Variants in RARB observed in about 807,000 individuals in gnomAD.
RARB encodes the protein retinoic acid receptor beta, also known as HBV-activated protein.
In RARB, 17 loss-of-function variants were observed where a neutral mutation model predicts 51.9. That is an observed-to-expected ratio of 0.33 (90% CI 0.22 to 0.49). RARB has a LOEUF of 0.49. Ranked by LOEUF, RARB falls within the 20% of genes least tolerant of loss-of-function variation. RARB has a pLI of 0.99. For synonymous variants in RARB, 215 were observed against 195.4 expected (o/e 1.10, Z -0.84); for missense variants, 369 against 550.8 (o/e 0.67, Z 3.30).
intron 2 of RARB, among the ~76,000 whole-genome samples, chr3:24,887,238 G>T (rs1703283977): frequency 6.6e-6 from 1 of 152,244 alleles, no homozygotes; most frequent in African/African-American, 2.4e-5. Flanking sequence ...AAGGCGGCGG[G>T]GTGGAGAGAC....
chr3:25,442,045 C>T (rs950928015), intron 1 of RARB, among the ~76,000 whole-genome samples: 6 of 152,118 alleles, frequency 3.9e-5, no homozygotes, highest in African/African-American at 1.4e-4. Context: ...TAGTCGCTAG[C>T]CATTTATGGC....
chr3:25,156,860 C>A (rs879313825), intron 4 of RARB, among the ~76,000 whole-genome samples: 4 of 152,328 alleles, frequency 2.6e-5, no homozygotes, highest in Admixed American at 2.6e-4. Context: ...CAGATTGCTC[C>A]AGTGACACAA....
At chr3:25,590,417 G>A (rs530979903) in intron 5 of RARB, among the ~76,000 whole-genome samples, 92 of 152,176 alleles carry the variant, frequency 6.0e-4, no homozygotes, top group Admixed American at 5.6e-3. Flanking sequence ...ATTTCTTGGC[G>A]GCATGTTAAA....
chr3:25,388,057 A>G (rs570100406), intron 5 of RARB, among the ~76,000 whole-genome samples: 23 of 151,652 alleles, frequency 1.5e-4, no homozygotes, highest in African/African-American at 5.3e-4. Flanking sequence ...AGTTAAAGAA[A>G]TGGAAATGCC....
intron 5 of RARB, among the ~76,000 whole-genome samples, chr3:25,423,028 T>C (rs1020724205): frequency 1.3e-5 from 2 of 152,240 alleles, no homozygotes; most frequent in African/African-American, 4.8e-5. Context: ...AGTGGCATAG[T>C]TGAGCAGTTG....
At chr3:25,418,946 A>C (rs1402446886) in intron 5 of RARB, among the ~76,000 whole-genome samples, 1 of 146,276 alleles carries the variant, frequency 6.8e-6, no homozygotes, top group African/African-American at 2.6e-5. Flanking sequence ...AGACTAACCA[A>C]AAAAAAAAAA....
At chr3:25,193,923 G>T (rs536024545) in intron 5 of RARB, among the ~76,000 whole-genome samples, 10 of 151,598 alleles carry the variant, frequency 6.6e-5, no homozygotes, top group African/African-American at 2.4e-4. Context: ...TTAGTAAGAT[G>T]ATTATTTAGC....
intron 2 of RARB, among the ~76,000 whole-genome samples, chr3:25,041,137 T>A (rs756100383): frequency 2.6e-5 from 4 of 152,196 alleles, no homozygotes; most frequent in Non-Finnish European, 4.4e-5. Flanking sequence ...TTACTGCCAT[T>A]CCATATTTAA....
At chr3:24,895,886 A>G (rs966290486) in intron 2 of RARB, among the ~76,000 whole-genome samples, 4 of 152,224 alleles carry the variant, frequency 2.6e-5, no homozygotes, top group Admixed American at 2.6e-4. Flanking sequence ...AATTGAAAGC[A>G]GGGATTCAAA....
intron 3 of RARB, among the ~76,000 whole-genome samples, chr3:25,114,206 G>A (rs756452931): frequency 3.9e-5 from 6 of 152,182 alleles, no homozygotes; most frequent in Non-Finnish European, 7.3e-5. Flanking sequence ...ACTCTGGGTA[G>A]CTTGGAGCAA....
At chr3:25,443,986 G>A (rs1708819313) in intron 1 of RARB, among the ~76,000 whole-genome samples, 1 of 152,050 alleles carries the variant, frequency 6.6e-6, no homozygotes. Flanking sequence ...ACTCTCAAGA[G>A]AAACTTTTGA....
chr3:24,914,484 T>C (rs1314767022), intron 2 of RARB, among the ~76,000 whole-genome samples: 1 of 152,094 alleles, frequency 6.6e-6, no homozygotes, highest in Non-Finnish European at 1.5e-5. Flanking sequence ...TTCTGCCAAT[T>C]ATGTGTAAAG....
At chr3:25,050,467 C>A (rs543573993) in intron 2 of RARB, among the ~76,000 whole-genome samples, 4 of 152,070 alleles carry the variant, frequency 2.6e-5, no homozygotes, top group African/African-American at 7.2e-5. Context: ...CTTTTACACA[C>A]GAGTGAAGTG....
At chr3:25,155,985 C>T (rs1426418229) in intron 4 of RARB, among the ~76,000 whole-genome samples, 2 of 152,110 alleles carry the variant, frequency 1.3e-5, no homozygotes, top group Non-Finnish European at 2.9e-5. Context: ...GGCCTTAGTT[C>T]ATTTGTTTAT....
At chr3:25,011,356 C>T (rs747762160) in intron 2 of RARB, among the ~76,000 whole-genome samples, 5 of 151,998 alleles carry the variant, frequency 3.3e-5, no homozygotes, top group Non-Finnish European at 5.9e-5. Context: ...GTGAACAAAA[C>T]CTGAAGGAGG....
chr3:25,379,479 C>T (rs1193509053), intron 5 of RARB, among the ~76,000 whole-genome samples: 2 of 152,146 alleles, frequency 1.3e-5, no homozygotes, highest in Non-Finnish European at 2.9e-5. Flanking sequence ...AAAAGCAGTG[C>T]CTGTCCCTTT....
intron 3 of RARB, among the ~76,000 whole-genome samples, chr3:25,073,415 G>T (rs1332171717): frequency 1.3e-5 from 2 of 152,206 alleles, no homozygotes; most frequent in Non-Finnish European, 2.9e-5. Flanking sequence ...ATGCACCTCA[G>T]AACATTAGTT....
chr3:25,186,036 C>T (rs1345007116), intron 5 of RARB, among the ~76,000 whole-genome samples: 1 of 151,846 alleles, frequency 6.6e-6, no homozygotes, highest in East Asian at 1.9e-4. Flanking sequence ...AAAATTTGAC[C>T]CTGGGAATTC....
intron 3 of RARB, among the ~76,000 whole-genome samples, chr3:25,120,527 A>ATCTCTCTCTCTC (rs138649959): frequency 0.036 from 4,903 of 136,062 alleles, 172 homozygotes; most frequent in Non-Finnish European, 0.04. Context: ...ATATATAAAA[A>ATCTCTCTCTCTC]TCTCTCTCTC....
Sources: allele counts gnomAD v4.1 joint callset (sites outside exome capture counted in the v4.1 genomes callset), GRCh38; gene constraint gnomAD v4.1.1; transcripts MANE v1.5; gene names NCBI Gene and HGNC (gene_info 2026-07-23, HGNC 2026-07-21).